CTNND1: variants seen among roughly 807,000 people sequenced by gnomAD.
CTNND1 encodes catenin delta 1.
Under a neutral mutation model 112.1 loss-of-function variants are expected in CTNND1, and 16 were observed. The ratio of observed to expected loss-of-function variants is 0.14; its 90% CI spans 0.10 to 0.22. CTNND1 has a LOEUF of 0.22. Among genes scored for constraint, CTNND1 ranks in the 10% least tolerant of loss-of-function variants. The pLI, the probability that CTNND1 is intolerant of heterozygous loss-of-function variation, is 1.00. For synonymous variants in CTNND1, 420 were observed against 446.5 expected (o/e 0.94, Z 0.75); for missense variants, 1,008 against 1,257.0 (o/e 0.80, Z 3.00).
chr11:57,794,104 G>A (rs1228727899), intron 4 of CTNND1, 23 bp downstream of exon 4: 1 of 1,608,272 alleles, frequency 6.2e-7, no homozygotes, highest in Admixed American at 1.7e-5. Flanking sequence ...CTCAAGACCT[G>A]GGTTGCTTCA....
intron 6 of CTNND1, among the ~76,000 whole-genome samples, chr11:57,798,280 G>T (rs1271876948): frequency 6.7e-6 from 1 of 148,736 alleles, no homozygotes; most frequent in Non-Finnish European, 1.5e-5. Flanking sequence ...CCGGGTGGCA[G>T]AGGCTGTAGT....
intron 1 of CTNND1, 123 bp downstream of exon 1, chr11:57,762,242 A>G: frequency 3.1e-6 from 1 of 318,666 alleles, no homozygotes; most frequent in Non-Finnish European, 4.5e-6. Flanking sequence ...TATTATATTT[A>G]AAAAGGTAAA....
At chr11:57,815,530 C>T in intron 19 of CTNND1, 30 bp downstream of exon 19, 1 of 1,499,856 alleles carries the variant, frequency 6.7e-7, no homozygotes, top group Non-Finnish European at 9.3e-7. Flanking sequence ...TGCTATCTGT[C>T]TAAGGCTAGT....
At position 57,806,909 on chromosome 11, in the gene CTNND1, T is replaced by G; in HGVS notation, c.1895-6T>G. ...CCCCTTTTCCCGCCCTTTTTCATTT[T>G]TGTAGGGAAAAAACCTATAGAGGAT... On this transcript the variant is annotated splice_polypyrimidine_tract_variant and splice_region_variant and intron_variant, in intron 11 of 20. Coordinates refer to ENST00000399050, the MANE Select transcript of CTNND1 (RefSeq NM_001085458.2). The G allele has an allele frequency of 6.3e-7, 1 of 1,590,924 alleles. No individual in the cohort carries two copies. Among genetic ancestry groups the G allele is most frequent in the South Asian group, 1.1e-5 (1 of 87,176 alleles).
intron 1 of CTNND1, among the ~76,000 whole-genome samples, chr11:57,782,226 A>G (rs2059655337): frequency 6.6e-6 from 1 of 152,156 alleles, no homozygotes; most frequent in South Asian, 2.1e-4. Flanking sequence ...TGACGTTCCA[A>G]TCAGAGAGAA....
intron 2 of CTNND1, among the ~76,000 whole-genome samples, chr11:57,790,801 G>A (rs369828691): frequency 8.4e-4 from 128 of 151,696 alleles, no homozygotes; most frequent in Admixed American, 2.3e-3. Flanking sequence ...CTCGTGATCC[G>A]CCTGCTTCGG....
intron 1 of CTNND1, among the ~76,000 whole-genome samples, chr11:57,767,391 T>G (rs1017493355): frequency 3.3e-5 from 5 of 152,222 alleles, no homozygotes; most frequent in Non-Finnish European, 5.9e-5. Context: ...ATTTCAAACT[T>G]GCAGGAAAGT....
At chr11:57,773,130 A>G (rs1360674003) in intron 1 of CTNND1, among the ~76,000 whole-genome samples, 2 of 150,512 alleles carry the variant, frequency 1.3e-5, no homozygotes, top group Admixed American at 1.3e-4. Context: ...GTATTACTTC[A>G]TCATATATAG....
chr11:57,814,518 G>T, intron 18 of CTNND1, 145 bp downstream of exon 18: 1 of 629,488 alleles, frequency 1.6e-6, no homozygotes, highest in South Asian at 2.0e-5. Flanking sequence ...TTTGAAGGAT[G>T]TAAGGAAATT....
intron 2 of CTNND1, 146 bp from the exon 3 acceptor site, chr11:57,791,239 G>A (rs1383075119): frequency 4.1e-6 from 2 of 493,148 alleles, no homozygotes; most frequent in Non-Finnish European, 3.2e-6. Context: ...ACAGACACTG[G>A]TGATGGGCTC....
intron 18 of CTNND1, 40 bp downstream of exon 18, chr11:57,814,413 T>TAC: frequency 6.7e-7 from 1 of 1,494,788 alleles, no homozygotes; most frequent in Non-Finnish European, 9.3e-7. Context: ...GGAGTAATAT[T>TAC]TCACTGGCTA....
intron 1 of CTNND1, among the ~76,000 whole-genome samples, chr11:57,782,473 T>C (rs1175295812): frequency 6.6e-6 from 1 of 152,218 alleles, no homozygotes; most frequent in African/African-American, 2.4e-5. Flanking sequence ...GAGACTCCAG[T>C]GCAGACGTGG....
chr11:57,797,242 T>C (rs909413747), intron 6 of CTNND1, among the ~76,000 whole-genome samples: 1 of 148,518 alleles, frequency 6.7e-6, no homozygotes, highest in African/African-American at 2.4e-5. Flanking sequence ...TTATTTTTTA[T>C]TTTTTTGAGA....
chr11:57,808,518 T>A lies in CTNND1; in HGVS notation c.2220T>A (p.Asp740Glu). Reference sequence around the variant, plus strand: ...GAGCACTGAGAAACCTGGCTGTGGATGCTCGCAACAAAGAATTAATTGGTG... The same window carrying A: ...GAGCACTGAGAAACCTGGCTGTGGAAGCTCGCAACAAAGAATTAATTGGTG... ...ASGALRNLAV[D>E]ARNKELIGKH... Residue 740 changes from aspartate (D) to glutamate (E), a missense_variant, in exon 14 of 21, where the codon GAT becomes GAA. Coordinates refer to ENST00000399050, the MANE Select transcript of CTNND1 (RefSeq NM_001085458.2). 1 of 1,604,538 alleles carries A rather than the reference T, an allele frequency of 6.2e-7. No homozygotes were observed. Among genetic ancestry groups the A allele is most frequent in the Non-Finnish European group, 8.5e-7 (1 of 1,176,718 alleles).
At position 57,796,783 on chromosome 11, in the gene CTNND1, G is replaced by A; in HGVS notation, c.747G>A (p.Arg249=). The part of the protein sequence containing the change: ...ERYRPSMEGY[R]APSRQDVYGP... The stretch of plus-strand genomic sequence containing the variant: ...ATAGGCCCAGCATGGAAGGCTACCG[G>A]GCACCTAGTAGACAGGATGTGTATG... The change falls in exon 6 of 21, where the codon CGG becomes CGA. Residue 249 remains arginine, a synonymous_variant. Transcript: ENST00000399050. The A allele has an allele frequency of 1.2e-6, 2 of 1,609,946 alleles. No individual in the cohort carries two copies. The highest frequency in any genetic ancestry group is 1.7e-6 in the Non-Finnish European group (2 of 1,176,946).
Position 57,795,742 on chromosome 11 carries a change from G to T in CTNND1, c.420+13G>T. The T allele has an allele frequency of 6.3e-7, 1 of 1,578,878 alleles. No individual in the cohort carries two copies. Among genetic ancestry groups the T allele is most frequent in the Non-Finnish European group, 8.6e-7 (1 of 1,168,066 alleles). ...CACAGAGACCACGGTAAACTAAGACGTGTGTAAGATCTGGAAGTGATAAGA... is the reference window on the plus strand; with the variant it reads ...CACAGAGACCACGGTAAACTAAGACTTGTGTAAGATCTGGAAGTGATAAGA... On this transcript the variant is annotated intron_variant, in intron 5 of 20. Transcript: ENST00000399050.
intron 1 of CTNND1, among the ~76,000 whole-genome samples, chr11:57,765,460 ATTTTTT>A (rs5792061): frequency 1.8e-4 from 19 of 105,600 alleles, no homozygotes; most frequent in Non-Finnish European, 3.4e-4. Context: ...TCCTCCCTTA[ATTTTTT>A]TTTTTTTTTT....
Position 57,810,221 on chromosome 11 carries a change from C to A in CTNND1, c.2548C>A (p.Gln850Lys). ...EKEGWKKSDF[Q>K]VNLNNASRSQ... ...AGAAGGATGGAAGAAATCAGACTTT[C>A]AGGTATAGTAACTTTTGAGACCAAG... The change falls in exon 16 of 21, where the codon CAG (glutamine) becomes AAG (lysine). Residue 850 changes from glutamine (Q) to lysine (K), a missense_variant and splice_region_variant. Gln to Lys is a moderately conservative substitution (Grantham distance 53, BLOSUM62 1). This residue lies in a region of CTNND1 where 28 missense variants were observed against 60.6 expected (regional missense o/e 0.46). Coordinates refer to ENST00000399050, the MANE Select transcript of CTNND1 (RefSeq NM_001085458.2). 2 of 1,602,212 alleles carry A rather than the reference C, an allele frequency of 1.2e-6. No homozygotes were observed. Among genetic ancestry groups the A allele is most frequent in the African/African-American group, 1.3e-5 (1 of 74,202 alleles).
chr11:57,809,366 T>A lies in CTNND1; in HGVS notation c.2335T>A (p.Leu779Met), dbSNP rs1271606077. Residue 779 changes from leucine to methionine, a missense_variant, in exon 15 of 21, where the codon TTG becomes ATG. This residue lies in a region of CTNND1 where 254 missense variants were observed against 279.5 expected (regional missense o/e 0.91). Transcript: ENST00000399050. ...CTCTGAGGACACTGTCATCTCTATTTTGAACACTATCAACGAGGTTATCGC... is the reference window on the plus strand; with the variant it reads ...CTCTGAGGACACTGTCATCTCTATTATGAACACTATCAACGAGGTTATCGC... ...NFSEDTVISILNTINEVIAEN... is the reference protein window; with the variant it reads ...NFSEDTVISIMNTINEVIAEN... 6.2e-7 allele frequency: 1 copy of A among 1,613,908 alleles called. No homozygotes were observed. The highest frequency in any genetic ancestry group is 8.5e-7 in the Non-Finnish European group (1 of 1,179,886).
Sources: gnomAD v4.1 joint callset for allele counts (sites outside exome capture counted in the v4.1 genomes callset) on GRCh38, gnomAD v4.1.1 for gene constraint, gnomAD v4.1.1 regional missense constraint, MANE v1.5 for transcripts, NCBI Gene and HGNC (gene_info 2026-07-23, HGNC 2026-07-21) for gene names.